The following PTPRD variants were observed in gnomAD, a reference collection of about 807,000 sequenced individuals.
The protein encoded by PTPRD is receptor-type tyrosine-protein phosphatase delta.
A neutral mutation model predicts 214.5 loss-of-function variants in PTPRD; 34 were observed. The ratio of observed to expected loss-of-function variants is 0.16; its 90% confidence interval spans 0.12 to 0.21. The LOEUF is 0.21. Ranked by LOEUF, PTPRD falls within the 10% of genes least tolerant of loss-of-function variation. The pLI is 1.00. For synonymous variants in PTPRD, 1,128 were observed against 845.7 expected (o/e 1.33, Z -5.79); for missense variants, 2,545 against 2,398.7 (o/e 1.06, Z -1.27).
intron 7 of PTPRD, among the ~76,000 whole-genome samples, chr9:9,642,614 G>C (rs920428495): frequency 3.3e-5 from 5 of 152,006 alleles, no homozygotes; most frequent in African/African-American, 1.2e-4. Context: ...TTGTTATTGG[G>C]CCACGAGAAA....
At chr9:10,088,783 T>A (rs1281467001) in intron 3 of PTPRD, among the ~76,000 whole-genome samples, 1 of 151,734 alleles carries the variant, frequency 6.6e-6, no homozygotes, top group Non-Finnish European at 1.5e-5. Flanking sequence ...CTGGCCAGCA[T>A]AATAGCTAAT....
Position 8,428,251 on chromosome 9 carries a change from T to A in PTPRD, c.4086+8341A>T, listed in dbSNP as rs139009697. On this transcript the variant is annotated intron_variant, in intron 35 of 45. Transcript: ENST00000381196. ...AATCTGAGAAGCAGAAAAACTGCCA[T>A]GTTCGTAAGGAATTGGGCAAAGACT... is the stretch of plus-strand genomic sequence containing the variant. Among the ~76,000 whole-genome samples, 179 of 152,288 alleles carry A rather than the reference T, an allele frequency of 1.2e-3. 1 individual carries two copies. The highest frequency in any genetic ancestry group is 4.2e-3 in the African/African-American group (175 of 41,562).
intron 12 of PTPRD, among the ~76,000 whole-genome samples, chr9:8,658,121 C>A (rs908937960): frequency 3.9e-5 from 6 of 152,132 alleles, no homozygotes; most frequent in Admixed American, 3.9e-4. Context: ...TAAACTGATT[C>A]TTTTCAGCTT....
intron 5 of PTPRD, among the ~76,000 whole-genome samples, chr9:9,805,589 C>T (rs1476752002): frequency 1.3e-5 from 2 of 152,082 alleles, no homozygotes; most frequent in Non-Finnish European, 2.9e-5. Flanking sequence ...TTTATTATAA[C>T]TCAGGGTTTA....
chr9:9,079,360 G>A (rs190108025), intron 10 of PTPRD, among the ~76,000 whole-genome samples: 2 of 152,088 alleles, frequency 1.3e-5, no homozygotes, highest in East Asian at 3.9e-4. Flanking sequence ...TTCCATCTAT[G>A]TTGCCATACA....
At chr9:8,517,811 TC>T (rs2097811972) in intron 21 of PTPRD, 36 bp downstream of exon 21, 1 of 1,555,610 alleles carries the variant, frequency 6.4e-7, no homozygotes, top group Non-Finnish European at 8.8e-7. Flanking sequence ...CACCAGCCCT[TC>T]CCTCCTGCCC....
chr9:8,836,057 A>T (rs184205587), intron 11 of PTPRD, among the ~76,000 whole-genome samples: 6 of 152,290 alleles, frequency 3.9e-5, no homozygotes, highest in Admixed American at 3.9e-4. Flanking sequence ...GGTTTAATTA[A>T]TGCATAAATT....
intron 2 of PTPRD, among the ~76,000 whole-genome samples, chr9:10,538,853 T>C (rs182415610): frequency 5.1e-4 from 77 of 152,306 alleles, no homozygotes; most frequent in African/African-American, 1.8e-3. Flanking sequence ...TCTTGATATA[T>C]AGTATCATGG....
In PTPRD at chr9:9,832,213, T is replaced by A. The variant is rs1256613976; in HGVS notation, c.-367-65362A>T. The stretch of plus-strand genomic sequence containing the variant: ...ACCGTAGTTGAAAACAAACCATTTA[T>A]TTTAATGGGAAGTAGATCTTGGAGT... On this transcript the variant is annotated intron_variant, in intron 5 of 45. Transcript: ENST00000381196. Among the ~76,000 whole-genome samples, 5 of 152,146 alleles carry A rather than the reference T, an allele frequency of 3.3e-5. No homozygotes were observed. In the Middle Eastern group the frequency reaches 0.014, roughly 414 times the overall value.
intron 14 of PTPRD, among the ~76,000 whole-genome samples, chr9:8,628,173 C>T (rs140250500): frequency 1.3e-3 from 200 of 151,824 alleles, no homozygotes; most frequent in Non-Finnish European, 1.8e-3. Flanking sequence ...ATAACATAAA[C>T]GGCAAAGTAC....
intron 7 of PTPRD, among the ~76,000 whole-genome samples, chr9:9,707,944 C>G (rs1451239796): frequency 6.6e-6 from 1 of 151,870 alleles, no homozygotes; most frequent in Non-Finnish European, 1.5e-5. Context: ...TAGACATATA[C>G]CTAGCAGTAA....
intron 10 of PTPRD, among the ~76,000 whole-genome samples, chr9:9,143,640 A>C (rs1426263811): frequency 6.6e-6 from 1 of 152,216 alleles, no homozygotes; most frequent in Non-Finnish European, 1.5e-5. Flanking sequence ...AAATATCTCT[A>C]TGTTCAGAGT....
At chr9:8,332,873 C>G (rs2131764829) in intron 43 of PTPRD, among the ~76,000 whole-genome samples, 1 of 152,276 alleles carries the variant, frequency 6.6e-6, no homozygotes, top group East Asian at 1.9e-4. Flanking sequence ...GAGCCTTCAA[C>G]TTGTTCCTCC....
intron 3 of PTPRD, among the ~76,000 whole-genome samples, chr9:10,183,010 C>T (rs1393856789): frequency 6.6e-6 from 1 of 152,070 alleles, no homozygotes; most frequent in East Asian, 1.9e-4. Flanking sequence ...TAATCTCTTG[C>T]TGTCTACATT....
At chr9:9,935,065 G>C (rs1459838307) in intron 5 of PTPRD, among the ~76,000 whole-genome samples, 2 of 152,070 alleles carry the variant, frequency 1.3e-5, no homozygotes, top group Non-Finnish European at 2.9e-5. Flanking sequence ...GGTATTGATG[G>C]GATGTATTTC....
At chr9:8,639,474 G>C (rs953551044) in intron 12 of PTPRD, among the ~76,000 whole-genome samples, 1 of 152,154 alleles carries the variant, frequency 6.6e-6, no homozygotes, top group African/African-American at 2.4e-5. Context: ...TAAGAGCCCA[G>C]CTTCCCATTT....
At chr9:10,230,238 A>G (rs2099603964) in intron 3 of PTPRD, among the ~76,000 whole-genome samples, 2 of 152,032 alleles carry the variant, frequency 1.3e-5, no homozygotes, top group African/African-American at 4.8e-5. Flanking sequence ...CAACATCTTC[A>G]TCTTTCACTT....
intron 2 of PTPRD, among the ~76,000 whole-genome samples, chr9:10,344,071 G>T (rs2097011038): frequency 1.6e-5 from 2 of 122,492 alleles, no homozygotes; most frequent in South Asian, 5.5e-4. Flanking sequence ...TGTTGCCATT[G>T]CTTTTGGTGT....
intron 5 of PTPRD, among the ~76,000 whole-genome samples, chr9:9,832,959 T>C (rs1212036998): frequency 6.6e-6 from 1 of 151,900 alleles, no homozygotes; most frequent in Non-Finnish European, 1.5e-5. Context: ...TAAGTAATAT[T>C]ATTTTATACT....
Sources: gnomAD v4.1 joint callset for allele counts (sites outside exome capture counted in the v4.1 genomes callset) on GRCh38, gnomAD v4.1.1 for gene constraint, MANE v1.5 for transcripts, NCBI Gene and HGNC (gene_info 2026-07-23, HGNC 2026-07-21) for gene names.